Variants in SH3BGRL observed in about 807,000 individuals in gnomAD.
The protein encoded by SH3BGRL is SH3 domain binding glutamate rich protein like.
SH3BGRL carries 7 observed loss-of-function variants against 9.8 expected under a neutral mutation model. The ratio of observed to expected loss-of-function variants is 0.72; its 90% CI spans 0.41 to 1.35. SH3BGRL has a LOEUF of 1.35. SH3BGRL is among the 40% of genes most tolerant of loss of function. The pLI is 0.01. For missense variants in SH3BGRL, 73 were observed against 84.4 expected (o/e 0.86, Z 0.53); for synonymous variants, 36 against 29.1 (o/e 1.24, Z -0.76).
intron 1 of SH3BGRL, among the ~76,000 whole-genome samples, chrX:81,268,798 T>A (rs147944177): frequency 0.025 from 2,784 of 111,436 alleles, 33 homozygotes; most frequent in Non-Finnish European, 0.042. Flanking sequence ...CATTGATCTG[T>A]CTAATATTGA....
Position 81,214,101 on chromosome X carries a change from A to G in SH3BGRL, c.45+11856A>G, listed in dbSNP as rs144025025. 1.6e-4 allele frequency among the ~76,000 whole-genome samples: 18 copies of G among 112,594 alleles called. 1 individual carries two copies. In the East Asian group the frequency reaches 5.0e-3, roughly 31 times the overall value. Reference sequence around the variant, plus strand: ...AGGAAACACGTGGATTCATTAGGAAAGATCAGAGTAGCATCTTGTAATAGA... The same window carrying G: ...AGGAAACACGTGGATTCATTAGGAAGGATCAGAGTAGCATCTTGTAATAGA... On this transcript the variant is annotated intron_variant, in intron 1 of 3. Coordinates refer to ENST00000373212, the MANE Select transcript of SH3BGRL (RefSeq NM_003022.3).
At chrX:81,224,931 T>G (rs766319103) in intron 1 of SH3BGRL, among the ~76,000 whole-genome samples, 5 of 110,602 alleles carry the variant, frequency 4.5e-5, no homozygotes, top group Non-Finnish European at 9.5e-5. Context: ...GCGCTATTTC[T>G]TCTTGGAGTT....
At chrX:81,293,018 A>C (rs952505208) in intron 3 of SH3BGRL, among the ~76,000 whole-genome samples, 48 of 112,344 alleles carry the variant, frequency 4.3e-4, no homozygotes, top group African/African-American at 1.5e-3. Context: ...TCTGCATCCA[A>C]ATCTCATCTT....
At chrX:81,269,607 C>A (rs369916024) in intron 1 of SH3BGRL, among the ~76,000 whole-genome samples, 29 of 111,634 alleles carry the variant, frequency 2.6e-4, no homozygotes, top group African/African-American at 9.5e-4. Flanking sequence ...GATGGGCTTC[C>A]CTTTGTGGGT....
At chrX:81,250,416 A>G (rs986590763) in intron 1 of SH3BGRL, among the ~76,000 whole-genome samples, 1 of 110,677 alleles carries the variant, frequency 9.0e-6, no homozygotes, top group Non-Finnish European at 1.9e-5. Context: ...CAAAAAAAAA[A>G]AAAAATAAAA....
intron 3 of SH3BGRL, among the ~76,000 whole-genome samples, chrX:81,291,497 C>T (rs1421291041): frequency 9.0e-6 from 1 of 111,636 alleles, no homozygotes; most frequent in African/African-American, 3.3e-5. Flanking sequence ...ATGAGAATTA[C>T]AATTTGACAT....
chrX:81,233,598 A>G (rs1050899710), intron 1 of SH3BGRL, among the ~76,000 whole-genome samples: 1 of 110,951 alleles, frequency 9.0e-6, no homozygotes, highest in African/African-American at 3.3e-5. Flanking sequence ...GTAGGAGAAA[A>G]GGAGTAAATA....
intron 1 of SH3BGRL, among the ~76,000 whole-genome samples, chrX:81,273,110 G>A (rs1448019014): frequency 8.9e-6 from 1 of 112,001 alleles, no homozygotes; most frequent in East Asian, 2.8e-4. Context: ...TGTGAGCTCA[G>A]TTTCTACCGT....
chrX:81,224,023 T>A (rs2075609012), intron 1 of SH3BGRL, among the ~76,000 whole-genome samples: 1 of 111,452 alleles, frequency 9.0e-6, no homozygotes, highest in African/African-American at 3.3e-5. Flanking sequence ...GCTCAAGTAT[T>A]GGGAGTTGTT....
Sources: allele counts gnomAD v4.1 joint callset (sites outside exome capture counted in the v4.1 genomes callset), GRCh38; gene constraint gnomAD v4.1.1; transcripts MANE v1.5; gene names NCBI Gene and HGNC (gene_info 2026-07-23, HGNC 2026-07-21).